SLC44A1: variants seen among roughly 807,000 people sequenced by gnomAD.
SLC44A1 encodes the protein choline transporter-like protein 1.
SLC44A1 carries 26 observed loss-of-function variants against 79.3 expected under a neutral mutation model. The observed-to-expected ratio is 0.33, with a 90% confidence interval of 0.24 to 0.46. The LOEUF (loss-of-function observed/expected upper bound fraction) is 0.46. Among genes scored for constraint, SLC44A1 ranks in the 20% least tolerant of loss-of-function variants. The pLI, the probability that SLC44A1 is intolerant of heterozygous loss-of-function variation, is 1.00. For missense variants in SLC44A1, 688 were observed against 798.1 expected (o/e 0.86, Z 1.66); for synonymous variants, 263 against 286.2 (o/e 0.92, Z 0.82).
rs185310139 is a variant in SLC44A1, at chr9:105,397,211, G to A, written c.*8155G>A. ...TTTTCTTGTGCAGAAATACGAACTA[G>A]AAAGAAAAGTGCTGATCTAATGCTA... On this transcript the variant is annotated 3_prime_UTR_variant, in exon 16 of 16. Transcript: ENST00000374720. 3.0e-6 allele frequency: 3 copies of A among 985,348 alleles called. No individual in the cohort carries two copies. Among genetic ancestry groups the A allele is most frequent in the East Asian group, 1.1e-4 (1 of 8,812 alleles). The allele number at this position is 985,348 out of a possible 1,614,324, so 61.0% of individuals were successfully genotyped here.
chr9:105,332,772 A>G (rs563676186), intron 3 of SLC44A1, among the ~76,000 whole-genome samples: 1 of 152,242 alleles, frequency 6.6e-6, no homozygotes, highest in African/African-American at 2.4e-5. Flanking sequence ...TTTTATGCCC[A>G]TATAAGAAAG....
chr9:105,256,565 CTTT>C (rs71501462), intron 1 of SLC44A1, among the ~76,000 whole-genome samples: 8 of 136,188 alleles, frequency 5.9e-5, no homozygotes, highest in Non-Finnish European at 6.4e-5. Flanking sequence ...GCTGGAAACT[CTTT>C]TTTTTTTTTT....
intron 7 of SLC44A1, among the ~76,000 whole-genome samples, chr9:105,360,915 C>T (rs541741250): frequency 6.6e-5 from 10 of 152,110 alleles, no homozygotes; most frequent in African/African-American, 1.2e-4. Flanking sequence ...TCTACTGGCT[C>T]GCTCTTAGCT....
chr9:105,420,079 T>G (rs1373519403), intron 15 of SLC44A1, among the ~76,000 whole-genome samples: 4 of 152,156 alleles, frequency 2.6e-5, no homozygotes, highest in Non-Finnish European at 5.9e-5. Context: ...AGCATTTGAT[T>G]AGAGGAAGCA....
intron 1 of SLC44A1, among the ~76,000 whole-genome samples, chr9:105,296,884 T>C (rs1163628386): frequency 1.3e-5 from 2 of 152,208 alleles, no homozygotes; most frequent in African/African-American, 4.8e-5. Context: ...TTCTTGATCA[T>C]AGATTTTAGA....
chr9:105,385,348 T>A (rs1828597926), intron 14 of SLC44A1, 74 bp from the exon 15 acceptor site: 1 of 1,061,696 alleles, frequency 9.4e-7, no homozygotes, highest in African/African-American at 1.6e-5. Flanking sequence ...AAAATGTAGA[T>A]GTTCTTTAGA....
intron 13 of SLC44A1, among the ~76,000 whole-genome samples, chr9:105,377,824 T>A (rs937850325): frequency 6.6e-6 from 1 of 152,196 alleles, no homozygotes; most frequent in Non-Finnish European, 1.5e-5. Flanking sequence ...TGGCTTTTTT[T>A]AGCAGCCTAG....
At chr9:105,433,485 G>T (rs1250198388) in intron 15 of SLC44A1, among the ~76,000 whole-genome samples, 1 of 152,074 alleles carries the variant, frequency 6.6e-6, no homozygotes, top group African/African-American at 2.4e-5. Context: ...CTTTTTTCAT[G>T]CTCAGCAGAC....
intron 1 of SLC44A1, among the ~76,000 whole-genome samples, chr9:105,278,915 T>C (rs1163323236): frequency 6.6e-6 from 1 of 152,198 alleles, no homozygotes; most frequent in Admixed American, 6.5e-5. Flanking sequence ...AAAAATTGCA[T>C]GTGAGCCAAT....
At chr9:105,315,155 C>T (rs2131319784) in intron 3 of SLC44A1, among the ~76,000 whole-genome samples, 1 of 152,148 alleles carries the variant, frequency 6.6e-6, no homozygotes, top group South Asian at 2.1e-4. Flanking sequence ...TTGAAAGGCA[C>T]CAAAGCCCTT....
intron 15 of SLC44A1, among the ~76,000 whole-genome samples, chr9:105,388,365 T>C (rs1324884104): frequency 6.6e-6 from 1 of 152,232 alleles, no homozygotes; most frequent in Non-Finnish European, 1.5e-5. Context: ...TTGCTTGATA[T>C]AATTCACATA....
chr9:105,373,874 C>T (rs1471905472), intron 12 of SLC44A1, among the ~76,000 whole-genome samples: 6 of 152,158 alleles, frequency 3.9e-5, no homozygotes, highest in Non-Finnish European at 8.8e-5. Flanking sequence ...CTTTTGCTTT[C>T]ATTGGCTCTG....
intron 4 of SLC44A1, among the ~76,000 whole-genome samples, chr9:105,347,627 T>C (rs1328162286): frequency 6.6e-6 from 1 of 152,082 alleles, no homozygotes; most frequent in Non-Finnish European, 1.5e-5. Context: ...ACATTTTACA[T>C]ATATTAGATA....
At chr9:105,264,129 A>G (rs1231295327) in intron 1 of SLC44A1, among the ~76,000 whole-genome samples, 1 of 151,998 alleles carries the variant, frequency 6.6e-6, no homozygotes, top group African/African-American at 2.4e-5. Flanking sequence ...TGCTGCAGAT[A>G]TATCATCATA....
At chr9:105,330,524 A>G (rs904459260) in intron 3 of SLC44A1, among the ~76,000 whole-genome samples, 10 of 152,208 alleles carry the variant, frequency 6.6e-5, no homozygotes, top group African/African-American at 2.2e-4. Flanking sequence ...GCATCATATC[A>G]TTCATTTTAA....
intron 3 of SLC44A1, among the ~76,000 whole-genome samples, chr9:105,316,984 A>G (rs1428665176): frequency 6.6e-6 from 1 of 152,190 alleles, no homozygotes; most frequent in Non-Finnish European, 1.5e-5. Context: ...GAAGGCTGAA[A>G]TCAAAGTGTT....
intron 8 of SLC44A1, 53 bp from the exon 9 acceptor site, chr9:105,362,768 G>T: frequency 1.5e-6 from 2 of 1,363,166 alleles, no homozygotes; most frequent in South Asian, 3.3e-5. Flanking sequence ...TACTATTTTC[G>T]GTTTCTGTTT....
chr9:105,272,710 G>A (rs1830105553), intron 1 of SLC44A1, among the ~76,000 whole-genome samples: 2 of 151,864 alleles, frequency 1.3e-5, no homozygotes, highest in Admixed American at 1.3e-4. Context: ...CTATTTTTTA[G>A]GTATCCCAAA....
intron 1 of SLC44A1, among the ~76,000 whole-genome samples, chr9:105,277,049 A>T (rs328009): frequency 0.039 from 5,882 of 152,318 alleles, 119 homozygotes; most frequent in Middle Eastern, 0.11. Context: ...CGAGAGTGGT[A>T]GCAGTGGAGA....
Sources: gnomAD v4.1 joint callset for allele counts (sites outside exome capture counted in the v4.1 genomes callset) on GRCh38, gnomAD v4.1.1 for gene constraint, MANE v1.5 for transcripts, NCBI Gene and HGNC (gene_info 2026-07-23, HGNC 2026-07-21) for gene names.